The following ERVMER34-1 variants were observed in gnomAD, a reference collection of about 807,000 sequenced individuals.
ERVMER34-1 encodes the protein endogenous retroviral envelope protein HEMO.
For synonymous variants in ERVMER34-1, 199 were observed against 111.7 expected, an observed-to-expected ratio of 1.78 and a Z score of -4.93; for missense variants, 471 against 295.1, an observed-to-expected ratio of 1.60 and a Z score of -4.37.
intron 2 of ERVMER34-1, among the ~76,000 whole-genome samples, chr4:52,750,046 T>G (rs1449542239): frequency 1.3e-5 from 2 of 152,164 alleles, no homozygotes; most frequent in Non-Finnish European, 2.9e-5. Context: ...TTGCTCGGGC[T>G]GGAGTGCAGT....
rs1716284606 is a variant in ERVMER34-1, at chr4:52,751,335, G to T, written c.-564+8C>A. 6.6e-6 allele frequency: 1 copy of T among 152,300 alleles called. No individual in the cohort carries two copies. Among genetic ancestry groups the T allele is most frequent in the Non-Finnish European group, 1.5e-5 (1 of 68,142 alleles). 9.4% of individuals were successfully genotyped at this position (152,300 alleles called of 1,614,324 possible). A position where few individuals can be genotyped will look rare whatever the true frequency, so the allele number is the denominator to read the frequency against. ...CCGCCGGAGACCAAAGGGCAGAAAC[G>T]CACTCACAGTGCAACTCCGAGGGAT... is the stretch of plus-strand genomic sequence containing the variant. On this transcript the variant is annotated splice_region_variant and intron_variant, in intron 1 of 2. Transcript: ENST00000443173.
At chr4:52,747,973 G>A (rs1435612194) in intron 2 of ERVMER34-1, among the ~76,000 whole-genome samples, 1 of 152,188 alleles carries the variant, frequency 6.6e-6, no homozygotes, top group Non-Finnish European at 1.5e-5. Context: ...GGAGGTGGAG[G>A]TTGCAGTGAG....
chr4:52,744,150 A>G lies in ERVMER34-1; in HGVS notation c.1371T>C (p.Asn457=), dbSNP rs1716082836. 1.4e-6 allele frequency: 1 copy of G among 704,122 alleles called. No homozygotes were observed. The highest frequency in any genetic ancestry group is 2.6e-6 in the Non-Finnish European group (1 of 385,010). 43.6% of individuals were successfully genotyped at this position (704,122 alleles called of 1,614,324 possible). The change falls in exon 3 of 3, where the codon AAT becomes AAC. Residue 457 remains asparagine, a synonymous_variant. Coordinates refer to ENST00000443173, the MANE Select transcript of ERVMER34-1 (RefSeq NM_001242690.2). ...YINYSEEIKS[N]IQRLHEASEN... ...CGGATGCTTCGTGGAGACGCTGTAT[A>G]TTAGACTTTATTTCTTCCGAATAAT...
At chr4:52,749,925 G>C (rs1189708924) in intron 2 of ERVMER34-1, among the ~76,000 whole-genome samples, 2 of 152,142 alleles carry the variant, frequency 1.3e-5, no homozygotes, top group African/African-American at 4.8e-5. Flanking sequence ...GGTATACCCT[G>C]GGACTCTGCC....
intron 2 of ERVMER34-1, among the ~76,000 whole-genome samples, chr4:52,750,081 C>T (rs1043171275): frequency 2.0e-5 from 3 of 152,128 alleles, no homozygotes; most frequent in Admixed American, 6.5e-5. Context: ...TCACCACAAC[C>T]TCTACATCCC....
chr4:52,746,911 T>G (rs1016972268), intron 2 of ERVMER34-1, among the ~76,000 whole-genome samples: 6 of 152,120 alleles, frequency 3.9e-5, no homozygotes, highest in African/African-American at 1.2e-4. Context: ...TGTATACTAA[T>G]TATGTTCTGA....
intron 2 of ERVMER34-1, among the ~76,000 whole-genome samples, chr4:52,747,929 C>T (rs368625226): frequency 5.3e-5 from 8 of 152,246 alleles, no homozygotes; most frequent in African/African-American, 1.2e-4. Flanking sequence ...CCCAGCTACT[C>T]GGGAGGCTGA....
Position 52,745,583 on chromosome 4 carries a change from G to A in ERVMER34-1, c.-63C>T, listed in dbSNP as rs769831782. 2.8e-5 allele frequency: 18 copies of A among 650,958 alleles called. No homozygotes were observed. The highest frequency in any genetic ancestry group is 5.0e-5 in the Non-Finnish European group (18 of 359,702). 40.3% of individuals were successfully genotyped at this position (650,958 alleles called of 1,614,324 possible). A position where few individuals can be genotyped will look rare whatever the true frequency, so the allele number is the denominator to read the frequency against. ...AGACAATGGAGATTCAATGAAAGGG[G>A]AGGGTTTTGTTTAAATTTCTAAGTC... On this transcript the variant is annotated 5_prime_UTR_variant, in exon 3 of 3. Coordinates refer to ENST00000443173, the MANE Select transcript of ERVMER34-1 (RefSeq NM_001242690.2).
Position 52,743,473 on chromosome 4 carries a change from C to T in ERVMER34-1, c.*356G>A, listed in dbSNP as rs1451983948. Reference sequence around the variant, plus strand: ...GCCTACAAAGTGCTGTTGGGAGAAACTATCCTGCCCCCAACTTAGTTCCAG... The same window carrying T: ...GCCTACAAAGTGCTGTTGGGAGAAATTATCCTGCCCCCAACTTAGTTCCAG... On this transcript the variant is annotated 3_prime_UTR_variant, in exon 3 of 3. Transcript: ENST00000443173. 1 of 175,052 alleles carries T rather than the reference C, an allele frequency of 5.7e-6. No individual in the cohort carries two copies. Among genetic ancestry groups the T allele is most frequent in the South Asian group, 1.7e-4 (1 of 5,720 alleles). The allele number at this position is 175,052 out of a possible 1,614,324, so 10.8% of individuals were successfully genotyped here.
At position 52,742,684 on chromosome 4, in the gene ERVMER34-1, T is replaced by G. The variant is rs902439280; in HGVS notation, c.*1145A>C. On this transcript the variant is annotated 3_prime_UTR_variant, in exon 3 of 3. Transcript: ENST00000443173. ...CTATAATCCTAGGACTTTGGGAGGT[T>G]GAGGTGGGCGGGTCATGAGGTCAGG... 6.6e-6 allele frequency: 1 copy of G among 152,016 alleles called. No homozygotes were observed. Among genetic ancestry groups the G allele is most frequent in the African/African-American group, 2.4e-5 (1 of 41,388 alleles). The allele number at this position is 152,016 out of a possible 1,614,324, so 9.4% of individuals were successfully genotyped here. A position where few individuals can be genotyped will look rare whatever the true frequency, so the allele number is the denominator to read the frequency against.
At position 52,744,497 on chromosome 4, in the gene ERVMER34-1, A is replaced by G. The variant is rs781468850; in HGVS notation, c.1024T>C (p.Ser342Pro). ...TGCGGTGTTACTTTATGAATGAAGG[A>G]TCTCAGGTTTGTAATTTGGCTAGCA... ...LNASQITNLRSFIHKVTPHRC... is the reference protein window; with the variant it reads ...LNASQITNLRPFIHKVTPHRC... Residue 342 changes from serine (S) to proline (P), a missense_variant, in exon 3 of 3, where the codon TCC (serine) becomes CCC (proline). By Grantham distance (74) the Ser-to-Pro change is moderately conservative. Transcript: ENST00000443173. 1 of 704,094 alleles carries G rather than the reference A, an allele frequency of 1.4e-6. No homozygotes were observed. The highest frequency in any genetic ancestry group is 1.5e-5 in the South Asian group (1 of 67,594). The allele number at this position is 704,094 out of a possible 1,614,324, so 43.6% of individuals were successfully genotyped here.
At position 52,743,675 on chromosome 4, in the gene ERVMER34-1, T is replaced by C. The variant is rs1299189665; in HGVS notation, c.*154A>G. 1 of 627,556 alleles carries C rather than the reference T, an allele frequency of 1.6e-6. No homozygotes were observed. The highest frequency in any genetic ancestry group is 2.7e-6 in the Non-Finnish European group (1 of 376,576). The allele number at this position is 627,556 out of a possible 1,614,324, so 38.9% of individuals were successfully genotyped here. ...CTACAAAAAGTTCTGATAAGGCTTATTTACAATACCTTGGGAGGTCCTAGT... is the reference window on the plus strand; with the variant it reads ...CTACAAAAAGTTCTGATAAGGCTTACTTACAATACCTTGGGAGGTCCTAGT... On this transcript the variant is annotated 3_prime_UTR_variant, in exon 3 of 3. Coordinates refer to ENST00000443173, the MANE Select transcript of ERVMER34-1 (RefSeq NM_001242690.2).
rs368683895 is a variant in ERVMER34-1 at position 52,744,914 on chromosome 4, T to C, written c.607A>G (p.Ile203Val). The C allele has an allele frequency of 1.8e-4, 127 of 704,118 alleles. No individual in the cohort carries two copies. In the African/African-American group the frequency reaches 2.1e-3, roughly 11 times the overall value. The allele number at this position is 704,118 out of a possible 1,614,324, so 43.6% of individuals were successfully genotyped here. ...RTWNSSAVPLIGLPNTQDYKW... is the reference protein window; with the variant it reads ...RTWNSSAVPLVGLPNTQDYKW... ...TAGTCTTGGGTATTGGGCAGACCAA[T>C]CAAGGGAACAGCTGAGCTGTTCCAG... is the stretch of plus-strand genomic sequence containing the variant. The change falls in exon 3 of 3, where the codon ATT (isoleucine) becomes GTT (valine). Residue 203 changes from isoleucine to valine, a missense_variant. Coordinates refer to ENST00000443173, the MANE Select transcript of ERVMER34-1 (RefSeq NM_001242690.2).
intron 2 of ERVMER34-1, among the ~76,000 whole-genome samples, chr4:52,748,860 CT>C (rs920653974): frequency 7.3e-5 from 11 of 150,604 alleles, no homozygotes; most frequent in African/African-American, 2.4e-4. Context: ...ATTTTTTTTT[CT>C]TTTTTTTCCT....
intron 2 of ERVMER34-1, among the ~76,000 whole-genome samples, chr4:52,750,042 G>T (rs530247088): frequency 2.6e-5 from 4 of 151,884 alleles, no homozygotes; most frequent in African/African-American, 9.7e-5. Flanking sequence ...TCTGTTGCTC[G>T]GGCTGGAGTG....
intron 2 of ERVMER34-1, chr4:52,748,073 G>A (rs1372336537): frequency 1.3e-5 from 2 of 155,992 alleles, no homozygotes; most frequent in Non-Finnish European, 2.8e-5. Context: ...TGTGGACCAG[G>A]GAGCAGTGCA....
chr4:52,748,899 A>C (rs937363066), intron 2 of ERVMER34-1, among the ~76,000 whole-genome samples: 1 of 151,824 alleles, frequency 6.6e-6, no homozygotes, highest in Non-Finnish European at 1.5e-5. Flanking sequence ...TCTGTTGCCC[A>C]AGCTGGAATG....
In ERVMER34-1 at chr4:52,744,235, G is replaced by T; in HGVS notation, c.1286C>A (p.Pro429Gln). 1 of 703,992 alleles carries T rather than the reference G, an allele frequency of 1.4e-6. No individual in the cohort carries two copies. Among genetic ancestry groups the T allele is most frequent in the East Asian group, 2.7e-5 (1 of 37,294 alleles). 43.6% of individuals were successfully genotyped at this position (703,992 alleles called of 1,614,324 possible). ...ASRKDHVLDI[P>Q]TTQRQTACGT... ...ACAAGCCGTTTGTCGTTGGGTGGTC[G>T]GTATATCCAAGACATGATCCTTTCG... The change falls in exon 3 of 3, where the codon CCG becomes CAG. Residue 429 changes from proline (P) to glutamine (Q), a missense_variant. By Grantham distance (76) the Pro-to-Gln change is moderately conservative. Transcript: ENST00000443173.
chr4:52,751,114 C>T (rs1047657533), intron 1 of ERVMER34-1, 45 bp from the exon 2 acceptor site: 1 of 152,238 alleles, frequency 6.6e-6, no homozygotes, highest in Non-Finnish European at 1.5e-5. Context: ...GGGACCTGCC[C>T]CGGGATTCTC....
Sources: gnomAD v4.1 joint callset for allele counts (sites outside exome capture counted in the v4.1 genomes callset) on GRCh38, gnomAD v4.1.1 for gene constraint, MANE v1.5 for transcripts, NCBI Gene and HGNC (gene_info 2026-07-23, HGNC 2026-07-21) for gene names.